Variants in ZNF786 observed in about 807,000 individuals in gnomAD.
ZNF786 encodes zinc finger protein 786.
Under a neutral mutation model 63.1 loss-of-function variants are expected in ZNF786, and 56 were observed. The observed-to-expected ratio is 0.89, with a 90% CI of 0.72 to 1.11. The LOEUF is 1.11. Ranked by LOEUF, ZNF786 falls within the 50% of genes least tolerant of loss-of-function variation. ZNF786 has a pLI of 0.00. For synonymous variants in ZNF786, 485 were observed against 406.9 expected (o/e 1.19, Z -2.31); for missense variants, 1,213 against 1,041.8 (o/e 1.16, Z -2.26).
At chr7:149,082,487 T>G in intron 1 of ZNF786, 1 of 882,402 alleles carries the variant, frequency 1.1e-6, no homozygotes, top group African/African-American at 1.8e-5. Flanking sequence ...ACACTCTAAT[T>G]ACATAAGCAT....
At position 149,090,635 on chromosome 7, in the gene ZNF786, C is replaced by A. The variant is rs567390764; in HGVS notation, c.6G>T (p.Ala2=). 1.2e-5 allele frequency: 19 copies of A among 1,590,854 alleles called. 1 individual carries two copies. The South Asian group carries it at 1.7e-4, about 14-fold the overall frequency. The change falls in exon 1 of 4, where the codon GCG becomes GCT. Residue 2 remains alanine, a synonymous_variant. Coordinates refer to ENST00000491431, the MANE Select transcript of ZNF786 (RefSeq NM_152411.4). ...CTAGCCCGCTTACCCGAGGCGGCTC[C>A]GCCATGGTCCCCGCGGTCCCGCCCG... M[A]EPPRLPLTFE...
intron 1 of ZNF786, 22 bp from the exon 2 acceptor site, chr7:149,080,739 A>G: frequency 6.3e-7 from 1 of 1,581,396 alleles, no homozygotes; most frequent in Non-Finnish European, 8.6e-7. Flanking sequence ...GACATAAGAC[A>G]TATGCATTCA....
chr7:149,077,353 C>T (rs1019771667), intron 2 of ZNF786, among the ~76,000 whole-genome samples: 24 of 152,104 alleles, frequency 1.6e-4, no homozygotes, highest in Admixed American at 7.9e-4. Context: ...GGTGGCCAGG[C>T]GTGGTGACTC....
At chr7:149,090,384 T>C (rs1226007246) in intron 1 of ZNF786, among the ~76,000 whole-genome samples, 1 of 152,056 alleles carries the variant, frequency 6.6e-6, no homozygotes, top group East Asian at 1.9e-4. Flanking sequence ...CGCTCCTAGG[T>C]CGGCCTCGGT....
chr7:149,077,923 C>T (rs370684764), intron 2 of ZNF786, among the ~76,000 whole-genome samples: 3 of 148,684 alleles, frequency 2.0e-5, no homozygotes, highest in African/African-American at 7.5e-5. Context: ...AGTGCAATGG[C>T]GTGATCTCGG....
At chr7:149,089,597 G>A (rs1235710876) in intron 1 of ZNF786, among the ~76,000 whole-genome samples, 2 of 152,100 alleles carry the variant, frequency 1.3e-5, no homozygotes, top group Non-Finnish European at 2.9e-5. Context: ...GATTACAGGC[G>A]TAAACCACGG....
rs1825372327 is a variant in ZNF786, at chr7:149,070,130, T to G, written c.*293A>C. On this transcript the variant is annotated 3_prime_UTR_variant, in exon 4 of 4. Transcript: ENST00000491431. ...CCTTTTTCATAAAATTATGTCCTTG[T>G]TTTATAATGCTGTCTTTTCCAATAT... 4.2e-6 allele frequency: 1 copy of G among 235,554 alleles called. No homozygotes were observed. The highest frequency in any genetic ancestry group is 2.3e-5 in the African/African-American group (1 of 44,042). 14.6% of individuals were successfully genotyped at this position (235,554 alleles called of 1,614,324 possible). A position where few individuals can be genotyped will look rare whatever the true frequency, so the allele number is the denominator to read the frequency against.
In ZNF786 at chr7:149,071,694, C is replaced by A; in HGVS notation, c.1078G>T (p.Ala360Ser). 1 of 1,570,850 alleles carries A rather than the reference C, an allele frequency of 6.4e-7. No individual in the cohort carries two copies. Among genetic ancestry groups the A allele is most frequent in the Non-Finnish European group, 8.6e-7 (1 of 1,165,850 alleles). Residue 360 changes from alanine (A) to serine (S), a missense_variant, in exon 4 of 4, where the codon GCG becomes TCG. Transcript: ENST00000491431. Reference sequence around the variant, plus strand: ...GGCCCCTCTGCGCCATGCTGCAGCGCCTCCGTGTCCCCTTCCTGGTGGCTG... The same window carrying A: ...GGCCCCTCTGCGCCATGCTGCAGCGACTCCGTGTCCCCTTCCTGGTGGCTG... ...GNSHQEGDTE[A>S]LQHGAEGPCS...
chr7:149,083,023 G>A (rs1825677378), intron 1 of ZNF786, among the ~76,000 whole-genome samples: 1 of 151,712 alleles, frequency 6.6e-6, no homozygotes, highest in African/African-American at 2.4e-5. Context: ...AGCCTCCTGA[G>A]TAGCTGGGAT....
chr7:149,082,236 C>T (rs1825664356), intron 1 of ZNF786, among the ~76,000 whole-genome samples: 1 of 152,146 alleles, frequency 6.6e-6, no homozygotes, highest in Non-Finnish European at 1.5e-5. Context: ...CCTGCTCCAG[C>T]CATGAGAAGA....
intron 1 of ZNF786, among the ~76,000 whole-genome samples, chr7:149,088,463 A>C (rs1273736855): frequency 1.3e-5 from 2 of 152,198 alleles, no homozygotes; most frequent in Admixed American, 6.5e-5. Flanking sequence ...TTTTTATTGC[A>C]CAATTTTGCA....
chr7:149,079,243 C>G (rs547047939), intron 2 of ZNF786, among the ~76,000 whole-genome samples: 3 of 152,072 alleles, frequency 2.0e-5, no homozygotes, highest in Non-Finnish European at 4.4e-5. Flanking sequence ...CCTGTCTCTA[C>G]TAAAAATACA....
chr7:149,071,331 A>G lies in ZNF786; in HGVS notation c.1441T>C (p.Phe481Leu). 1.2e-6 allele frequency: 2 copies of G among 1,613,300 alleles called. No individual in the cohort carries two copies. Among genetic ancestry groups the G allele is most frequent in the East Asian group, 2.2e-5 (1 of 44,864 alleles). ...HQRLHTDEKP[F>L]QCPECGLSFR... ...CTCAGCCCACACTCTGGGCACTGAAAGGGCTTCTCGTCCGTGTGCAGCCGC... is the reference window on the plus strand; with the variant it reads ...CTCAGCCCACACTCTGGGCACTGAAGGGGCTTCTCGTCCGTGTGCAGCCGC... The change falls in exon 4 of 4, where the codon TTT becomes CTT. Residue 481 changes from phenylalanine to leucine, a missense_variant. Transcript: ENST00000491431.
chr7:149,079,979 C>T (rs1825624096), intron 2 of ZNF786, among the ~76,000 whole-genome samples: 1 of 151,438 alleles, frequency 6.6e-6, no homozygotes, highest in African/African-American at 2.4e-5. Flanking sequence ...TAAGACCATC[C>T]TGTCCAACAT....
At chr7:149,074,605 T>C in intron 2 of ZNF786, 67 bp from the exon 3 acceptor site, 15 of 1,515,176 alleles carry the variant, frequency 9.9e-6, no homozygotes, top group Non-Finnish European at 1.3e-5. Flanking sequence ...TTTCTAAATT[T>C]CTCAACATTC....
chr7:149,080,222 C>T (rs1036999088), intron 2 of ZNF786, among the ~76,000 whole-genome samples: 1 of 152,072 alleles, frequency 6.6e-6, no homozygotes, highest in Non-Finnish European at 1.5e-5. Flanking sequence ...TTAGACCCCA[C>T]TGTAAAAGCT....
chr7:149,074,473 A>G lies in ZNF786; in HGVS notation c.211T>C (p.Trp71Arg), dbSNP rs942988265. The G allele has an allele frequency of 1.9e-6, 3 of 1,613,748 alleles. No homozygotes were observed. Among genetic ancestry groups the G allele is most frequent in the South Asian group, 2.2e-5 (2 of 91,078 alleles). ...IEHGGEPFRKWRESQKSGNII... is the reference protein window; with the variant it reads ...IEHGGEPFRKRRESQKSGNII... Reference sequence around the variant, plus strand: ...TTTCCTGATTTCTGTGATTCTCTCCATTTCCTGAAGGGCTCTCCCCCGTGT... The same window carrying G: ...TTTCCTGATTTCTGTGATTCTCTCCGTTTCCTGAAGGGCTCTCCCCCGTGT... The change falls in exon 3 of 4, where the codon TGG becomes CGG. Residue 71 changes from tryptophan (W) to arginine (R), a missense_variant. Transcript: ENST00000491431.
intron 1 of ZNF786, among the ~76,000 whole-genome samples, chr7:149,088,364 G>A (rs1825770758): frequency 6.6e-6 from 1 of 152,158 alleles, no homozygotes; most frequent in South Asian, 2.1e-4. Flanking sequence ...TCATTAAAGT[G>A]CATAAAACTG....
intron 2 of ZNF786, among the ~76,000 whole-genome samples, chr7:149,079,353 G>T (rs1348169680): frequency 6.6e-6 from 1 of 151,570 alleles, no homozygotes; most frequent in Admixed American, 6.6e-5. Flanking sequence ...AGCTTGCAGT[G>T]AGCTGAGATC....
Sources: allele counts gnomAD v4.1 joint callset (sites outside exome capture counted in the v4.1 genomes callset), GRCh38; gene constraint gnomAD v4.1.1; transcripts MANE v1.5; gene names NCBI Gene and HGNC (gene_info 2026-07-23, HGNC 2026-07-21).